The following C6 variants were observed in gnomAD, a reference collection of about 807,000 sequenced individuals.
C6 encodes complement component C6.
In C6, 101 loss-of-function variants were observed where a neutral mutation model predicts 112.9. The observed-to-expected ratio is 0.89, with a 90% CI of 0.76 to 1.06. The LOEUF (loss-of-function observed/expected upper bound fraction) is 1.06. C6 is among the 50% of genes least tolerant of loss of function. The pLI is 0.00. For missense variants in C6, 1,202 were observed against 1,104.6 expected, an observed-to-expected ratio of 1.09 and a Z score of -1.25; for synonymous variants, 431 against 384.1, an observed-to-expected ratio of 1.12 and a Z score of -1.43.
rs759893602 is a variant in C6 at position 41,155,038 on chromosome 5, C to A, written c.2035G>T (p.Val679Phe). The change falls in exon 14 of 18, where the codon GTT (valine) becomes TTT (phenylalanine). Residue 679 changes from valine (V) to phenylalanine (F), a missense_variant. By Grantham distance (50) the Val-to-Phe change is conservative (BLOSUM62 -1). Coordinates refer to ENST00000337836, the MANE Select transcript of C6 (RefSeq NM_000065.5). Reference sequence around the variant, plus strand: ...AAGCATCTGAAGTACTGGTATCCAACAGTTTCAAAGCCAGTAAGGCATGAA... The same window carrying A: ...AAGCATCTGAAGTACTGGTATCCAAAAGTTTCAAAGCCAGTAAGGCATGAA... Reference protein sequence around the residue: ...EISCLTGFETVGYQYFRCLPD... With the variant: ...EISCLTGFETFGYQYFRCLPD... 2.2e-5 allele frequency: 35 copies of A among 1,613,486 alleles called. No individual in the cohort carries two copies. Among genetic ancestry groups the A allele is most frequent in the Non-Finnish European group, 2.9e-5 (34 of 1,179,456 alleles).
chr5:41,179,776 T>C (rs1749173229), intron 7 of C6, among the ~76,000 whole-genome samples: 1 of 151,198 alleles, frequency 6.6e-6, no homozygotes, highest in South Asian at 2.1e-4. Flanking sequence ...ACCAGAACTG[T>C]GTTCTTTCTG....
chr5:41,150,468 T>C (rs200254854), intron 15 of C6, among the ~76,000 whole-genome samples: 2 of 152,186 alleles, frequency 1.3e-5, no homozygotes, highest in East Asian at 3.8e-4. Flanking sequence ...AATTGTTGCC[T>C]TTCTTAGGGC....
At position 41,186,078 on chromosome 5, in the gene C6, C is replaced by T. The variant is rs766834557; in HGVS notation, c.718G>A (p.Gly240Ser). ...ATGCTAGGCTGTCATACCTCAAAGC[C>T]GACATTTTCCAGATTGGCCGGAACA... ...YRVPANLENV[G>S]FEVQTAEDDL... The change falls in exon 6 of 18, where the codon GGC (glycine) becomes AGC (serine). Residue 240 changes from glycine (G) to serine (S), a missense_variant. Physicochemically the swap from Gly to Ser is moderately conservative, Grantham distance 56. Coordinates refer to ENST00000337836, the MANE Select transcript of C6 (RefSeq NM_000065.5). 27 of 1,613,798 alleles carry T rather than the reference C, an allele frequency of 1.7e-5. No individual in the cohort carries two copies. The highest frequency in any genetic ancestry group is 4.5e-5 in the East Asian group (2 of 44,872).
At chr5:41,242,492 A>G (rs1043222700) in intron 1 of C6, among the ~76,000 whole-genome samples, 1 of 152,184 alleles carries the variant, frequency 6.6e-6, no homozygotes, top group African/African-American at 2.4e-5. Context: ...TTATAGCAGT[A>G]TGAAAACAGA....
At chr5:41,208,916 G>C (rs200253297) in intron 1 of C6, among the ~76,000 whole-genome samples, 2 of 151,374 alleles carry the variant, frequency 1.3e-5, no homozygotes, top group African/African-American at 4.9e-5. Flanking sequence ...GAGACACAAC[G>C]AAAAAAGAGA....
intron 17 of C6, among the ~76,000 whole-genome samples, chr5:41,148,714 C>A (rs183044042): frequency 1.5e-4 from 23 of 152,304 alleles, no homozygotes; most frequent in Admixed American, 1.3e-3. Context: ...TATAACAGTG[C>A]CTGGGTTCAT....
At chr5:41,153,574 T>A (rs1423595745) in intron 15 of C6, among the ~76,000 whole-genome samples, 9 of 152,236 alleles carry the variant, frequency 5.9e-5, no homozygotes, top group Admixed American at 3.3e-4. Context: ...AAAGGTTAAC[T>A]TTCTCCCTTT....
chr5:41,249,294 G>A (rs1741200331), intron 1 of C6, among the ~76,000 whole-genome samples: 1 of 151,908 alleles, frequency 6.6e-6, no homozygotes, highest in South Asian at 2.1e-4. Flanking sequence ...AATACAAGTT[G>A]AAATTACATT....
chr5:41,224,791 G>T (rs564418449), intron 1 of C6, among the ~76,000 whole-genome samples: 5 of 152,038 alleles, frequency 3.3e-5, no homozygotes, highest in Non-Finnish European at 7.4e-5. Flanking sequence ...GGGTCATATG[G>T]TAGCTCTATC....
Position 41,234,859 on chromosome 5 carries a change from AC to A in C6, c.-21+26334del, listed in dbSNP as rs146344432. On this transcript the variant is annotated intron_variant, in intron 1 of 17. Transcript: ENST00000263413. ...TTTGTAAATGTGAATTACTCAGAAT[AC>A]AAGGTAGATAATTTATTGTTGCCTG... Among the ~76,000 whole-genome samples the A allele has an allele frequency of 9.8e-3, 1,489 of 152,264 alleles. 32 individuals are homozygous for A. Among genetic ancestry groups the A allele is most frequent in the African/African-American group, 0.034 (1,412 of 41,558 alleles).
At chr5:41,164,019 C>A (rs904102066) in intron 9 of C6, among the ~76,000 whole-genome samples, 2 of 149,994 alleles carry the variant, frequency 1.3e-5, no homozygotes, top group African/African-American at 4.9e-5. Flanking sequence ...AGAACTCAGA[C>A]TCTCAATGAG....
intron 4 of C6, among the ~76,000 whole-genome samples, chr5:41,196,933 T>C (rs1750664936): frequency 6.6e-6 from 1 of 152,128 alleles, no homozygotes; most frequent in Non-Finnish European, 1.5e-5. Context: ...TCCTGCCTTT[T>C]ACCTTCTTGC....
At chr5:41,178,384 T>G (rs1185996263) in intron 7 of C6, among the ~76,000 whole-genome samples, 1 of 152,110 alleles carries the variant, frequency 6.6e-6, no homozygotes, top group African/African-American at 2.4e-5. Context: ...TTGGATTGAT[T>G]TTCAATTTTG....
intron 4 of C6, among the ~76,000 whole-genome samples, chr5:41,198,369 T>C (rs1286687592): frequency 6.6e-6 from 1 of 152,116 alleles, no homozygotes; most frequent in Non-Finnish European, 1.5e-5. Flanking sequence ...CCATCTTCAA[T>C]GGAATATTTA....
chr5:41,164,662 G>A (rs770511439), intron 9 of C6, among the ~76,000 whole-genome samples: 4 of 152,154 alleles, frequency 2.6e-5, no homozygotes, highest in Admixed American at 6.5e-5. Flanking sequence ...TAATTGAAAA[G>A]CCAGCTTGGA....
chr5:41,178,850 C>T (rs550203190), intron 7 of C6, among the ~76,000 whole-genome samples: 1 of 151,198 alleles, frequency 6.6e-6, no homozygotes, highest in Non-Finnish European at 1.5e-5. Flanking sequence ...TTGGATTGAA[C>T]TATATGAAGC....
chr5:41,173,622 A>G (rs964619893), intron 8 of C6, among the ~76,000 whole-genome samples: 2 of 152,146 alleles, frequency 1.3e-5, no homozygotes, highest in African/African-American at 4.8e-5. Flanking sequence ...TAGGTTATCA[A>G]ATACTAGTAT....
chr5:41,210,614 C>T (rs865857205), intron 1 of C6, among the ~76,000 whole-genome samples: 1 of 152,154 alleles, frequency 6.6e-6, no homozygotes, highest in Non-Finnish European at 1.5e-5. Flanking sequence ...GACATTTATG[C>T]AGCCAACAGA....
At chr5:41,212,498 T>A (rs993090004) in intron 1 of C6, among the ~76,000 whole-genome samples, 49 of 152,154 alleles carry the variant, frequency 3.2e-4, no homozygotes, top group African/African-American at 1.2e-3. Context: ...TTCTCTGAAT[T>A]TTTTTGTTAT....
Sources: allele counts gnomAD v4.1 joint callset (sites outside exome capture counted in the v4.1 genomes callset), GRCh38; gene constraint gnomAD v4.1.1; transcripts MANE v1.5; gene names NCBI Gene and HGNC (gene_info 2026-07-23, HGNC 2026-07-21).